The following CDC42BPB variants were observed in gnomAD, a reference collection of about 807,000 sequenced individuals.
The protein encoded by CDC42BPB is serine/threonine-protein kinase MRCK beta.
A neutral mutation model predicts 214.9 loss-of-function variants in CDC42BPB; 37 were observed. That is an observed-to-expected ratio of 0.17 (90% confidence interval 0.13 to 0.23). The LOEUF (loss-of-function observed/expected upper bound fraction) is 0.23, where lower values mean the gene tolerates loss of function less well. Ranked by LOEUF, CDC42BPB falls within the 10% of genes least tolerant of loss-of-function variation. The pLI is 1.00. For synonymous variants in CDC42BPB, 931 were observed against 884.0 expected (o/e 1.05, Z -0.94); for missense variants, 1,694 against 2,227.0 (o/e 0.76, Z 4.82).
chr14:103,001,920 CG>C lies in CDC42BPB; in HGVS notation c.447+2007del, dbSNP rs1595130717. Among the ~76,000 whole-genome samples, 1 of 152,208 alleles carries C rather than the reference CG, an allele frequency of 6.6e-6. No homozygotes were observed. Among genetic ancestry groups the C allele is most frequent in the African/African-American group, 2.4e-5 (1 of 41,442 alleles). On this transcript the variant is annotated intron_variant, in intron 4 of 36. Transcript: ENST00000361246. The surrounding 1 kb of genome is among the most constrained non-coding windows in gnomAD (Gnocchi z 5.8). ...GAGCATGGTCTCTGAGGAAAGCTAA[CG>C]CGGGAGCTCGTGAGGCAGACGGCGG...
chr14:103,028,785 G>T (rs1887188953), intron 1 of CDC42BPB, among the ~76,000 whole-genome samples: 1 of 152,172 alleles, frequency 6.6e-6, no homozygotes, highest in Non-Finnish European at 1.5e-5. Context: ...TCCCTTAATA[G>T]GGCTGTTATT....
intron 7 of CDC42BPB, among the ~76,000 whole-genome samples, 162 bp downstream of exon 7, chr14:102,983,394 A>G (rs1386817723): frequency 1.3e-5 from 2 of 151,892 alleles, no homozygotes; most frequent in African/African-American, 4.8e-5. Flanking sequence ...GCCCTCTCCA[A>G]TGTCTACTCC....
At chr14:103,020,064 G>A (rs1179840237) in intron 1 of CDC42BPB, among the ~76,000 whole-genome samples, 1 of 152,246 alleles carries the variant, frequency 6.6e-6, no homozygotes, top group Non-Finnish European at 1.5e-5. Flanking sequence ...GCCTGAGGCA[G>A]GCGGGCAGGA....
rs1287079702 is a variant in CDC42BPB at position 102,938,314 on chromosome 14, G to A, written c.4925C>T (p.Pro1642Leu). 6.2e-7 allele frequency: 1 copy of A among 1,608,342 alleles called. No homozygotes were observed. The highest frequency in any genetic ancestry group is 2.2e-5 in the East Asian group (1 of 44,822). The change falls in exon 35 of 37, where the codon CCC becomes CTC. Residue 1642 changes from proline to leucine, a missense_variant. Physicochemically the swap from Pro to Leu is moderately conservative, Grantham distance 98 (BLOSUM62 -3). This residue lies in a region of CDC42BPB where 146 missense variants were observed against 134.1 expected (regional missense o/e 1.09). Coordinates refer to ENST00000361246, the MANE Select transcript of CDC42BPB (RefSeq NM_006035.4). ...CCAGGCTTCCCCTGTACCTGATGAG[G>A]GCCACGAGATGTAGGGCTTGTTCCT... Reference protein sequence around the residue: ...PSRNKPYISWPSSGGSEPSVT... With the variant: ...PSRNKPYISWLSSGGSEPSVT...
chr14:103,023,258 C>T (rs1287176994), intron 1 of CDC42BPB, among the ~76,000 whole-genome samples: 1 of 151,368 alleles, frequency 6.6e-6, no homozygotes, highest in Non-Finnish European at 1.5e-5. Context: ...ACCTCTGCCT[C>T]TCGGGTTCAA....
At chr14:102,965,333 G>A (rs1158942893) in intron 18 of CDC42BPB, among the ~76,000 whole-genome samples, 3 of 145,088 alleles carry the variant, frequency 2.1e-5, no homozygotes, top group Non-Finnish European at 3.0e-5. Context: ...AACTTGAAAC[G>A]TTTTGCTATT....
At chr14:103,037,846 C>T (rs918064090) in intron 1 of CDC42BPB, among the ~76,000 whole-genome samples, 1 of 149,230 alleles carries the variant, frequency 6.7e-6, no homozygotes, top group African/African-American at 2.5e-5. Context: ...CTGGCTAACA[C>T]AGTGAAACGC....
chr14:103,054,664 T>C (rs1294348255), intron 1 of CDC42BPB, among the ~76,000 whole-genome samples: 1 of 152,224 alleles, frequency 6.6e-6, no homozygotes, highest in African/African-American at 2.4e-5. Flanking sequence ...GTAAAATATA[T>C]TGATATTTCA....
At chr14:103,042,253 T>C (rs181958463) in intron 1 of CDC42BPB, among the ~76,000 whole-genome samples, 117 of 152,224 alleles carry the variant, frequency 7.7e-4, no homozygotes, top group African/African-American at 2.7e-3. Context: ...GTATGTCCAA[T>C]ATGGGGCTTG....
chr14:102,993,020 G>T (rs1198808668), intron 5 of CDC42BPB, among the ~76,000 whole-genome samples: 1 of 151,852 alleles, frequency 6.6e-6, no homozygotes, highest in Non-Finnish European at 1.5e-5. Flanking sequence ...AGTAGAGACA[G>T]GGTTTTGCCA....
intron 20 of CDC42BPB, among the ~76,000 whole-genome samples, chr14:102,962,600 A>T (rs1893010456): frequency 6.6e-6 from 1 of 152,262 alleles, no homozygotes. Flanking sequence ...CTGTAATTCC[A>T]GCACTTTGGG....
intron 1 of CDC42BPB, among the ~76,000 whole-genome samples, 196 bp downstream of exon 1, chr14:103,056,803 G>A (rs1284392048): frequency 1.3e-5 from 2 of 151,982 alleles, no homozygotes; most frequent in African/African-American, 2.4e-5. Context: ...AGGGACGAGG[G>A]TGCAAGGAGC....
intron 2 of CDC42BPB, among the ~76,000 whole-genome samples, chr14:103,011,063 G>A (rs527679883): frequency 2.0e-5 from 3 of 152,212 alleles, no homozygotes; most frequent in Non-Finnish European, 2.9e-5. Context: ...AAGCTCTTCC[G>A]GTGACTCACT....
At chr14:102,985,407 A>C (rs894226256) in intron 6 of CDC42BPB, among the ~76,000 whole-genome samples, 2 of 149,948 alleles carry the variant, frequency 1.3e-5, no homozygotes, top group African/African-American at 4.9e-5. Flanking sequence ...TGTGGAGGTC[A>C]GGAGGGTAAC....
chr14:102,954,304 C>T (rs573768225), intron 22 of CDC42BPB, 29 bp from the exon 23 acceptor site: 21 of 1,488,060 alleles, frequency 1.4e-5, no homozygotes, highest in East Asian at 9.9e-5. Context: ...AGGTGAGTGT[C>T]GGCCCAGCTC....
At chr14:103,041,747 G>C (rs1200744117) in intron 1 of CDC42BPB, 4 of 528,676 alleles carry the variant, frequency 7.6e-6, no homozygotes, top group Admixed American at 3.1e-5. Flanking sequence ...CAGACCATTA[G>C]CATCTCTGTG....
chr14:102,971,350 G>A (rs1274643179), intron 13 of CDC42BPB, among the ~76,000 whole-genome samples: 1 of 152,220 alleles, frequency 6.6e-6, no homozygotes, highest in African/African-American at 2.4e-5. Flanking sequence ...TTTCTGCCAT[G>A]GTGCATGTTG....
At chr14:103,026,867 C>T (rs1887086398) in intron 1 of CDC42BPB, among the ~76,000 whole-genome samples, 1 of 143,898 alleles carries the variant, frequency 6.9e-6, no homozygotes, top group African/African-American at 2.6e-5. Context: ...GACTCCGTCT[C>T]ATTAAAAAAA....
intron 30 of CDC42BPB, among the ~76,000 whole-genome samples, chr14:102,942,335 C>T (rs1308224013): frequency 6.6e-6 from 1 of 152,188 alleles, no homozygotes; most frequent in Non-Finnish European, 1.5e-5. Context: ...TGTCTAGCCA[C>T]GACGCCCTGG....
Sources: gnomAD v4.1 joint callset for allele counts (sites outside exome capture counted in the v4.1 genomes callset) on GRCh38, gnomAD v4.1.1 for gene constraint, gnomAD v4.1.1 regional missense constraint, Gnocchi (gnomAD v3.1) non-coding constraint, MANE v1.5 for transcripts, NCBI Gene and HGNC (gene_info 2026-07-23, HGNC 2026-07-21) for gene names.